The following CSMD2 variants were observed in gnomAD, a reference collection of about 807,000 sequenced individuals.
CSMD2 encodes the protein CUB and sushi domain-containing protein 2.
A neutral mutation model predicts 398.5 loss-of-function variants in CSMD2; 130 were observed. The ratio of observed to expected loss-of-function variants is 0.33; its 90% CI spans 0.28 to 0.38. CSMD2 has a LOEUF of 0.38. CSMD2 is among the 10% of genes least tolerant of loss of function. The probability of loss-of-function intolerance (pLI) is 1.00; values close to 1 mark genes in which losing one functional copy is unlikely to be tolerated. For synonymous variants in CSMD2, 1,828 were observed against 1,908.5 expected (o/e 0.96, Z 1.10); for missense variants, 3,829 against 4,764.9 (o/e 0.80, Z 5.78).
At chr1:33,629,931 T>C (rs1180911072) in intron 32 of CSMD2, among the ~76,000 whole-genome samples, 1 of 151,918 alleles carries the variant, frequency 6.6e-6, no homozygotes, top group East Asian at 1.9e-4. Flanking sequence ...TTAGTAGAGA[T>C]GGGGTTTCAC....
chr1:33,723,515 T>G (rs1437374716), intron 19 of CSMD2, among the ~76,000 whole-genome samples: 1 of 152,132 alleles, frequency 6.6e-6, no homozygotes, highest in Admixed American at 6.5e-5. Flanking sequence ...GAGAAAAGAG[T>G]ATTAATATAT....
At chr1:33,840,261 A>G (rs567395850) in intron 6 of CSMD2, 1 of 152,304 alleles carries the variant, frequency 6.6e-6, no homozygotes, top group South Asian at 2.1e-4. Context: ...CACTCTAGCC[A>G]TTGGTTATTG....
In CSMD2 at chr1:33,519,712, AAGAGCGACAC is replaced by A; in HGVS notation, c.10737-45_10737-36del. 1 of 1,613,790 alleles carries A rather than the reference AAGAGCGACAC, an allele frequency of 6.2e-7. No homozygotes were observed. The highest frequency in any genetic ancestry group is 8.5e-7 in the Non-Finnish European group (1 of 1,179,866). On this transcript the variant is annotated intron_variant, in intron 69 of 70. Transcript: ENST00000373381. The surrounding 1 kb of genome is among the most constrained non-coding windows in gnomAD (Gnocchi z 5.6). Reference sequence around the variant, plus strand: ...AAAGAGGAAGTGCCCACGGCATGAAAAGAGCGACACAGAGAGGCTTAGGGGTCTGGTGCGG... The same window carrying A: ...AAAGAGGAAGTGCCCACGGCATGAAAAGAGAGGCTTAGGGGTCTGGTGCGG...
chr1:33,791,066 G>A, intron 11 of CSMD2, among the ~76,000 whole-genome samples: 1 of 133,386 alleles, frequency 7.5e-6, no homozygotes, highest in African/African-American at 2.6e-5. Flanking sequence ...TAGGTGTAGG[G>A]AAGTTGTGAA....
intron 2 of CSMD2, among the ~76,000 whole-genome samples, chr1:34,046,121 T>C (rs1652492325): frequency 6.6e-6 from 1 of 152,206 alleles, no homozygotes; most frequent in South Asian, 2.1e-4. Context: ...TTAGATGACA[T>C]CATATCTTTG....
intron 1 of CSMD2, among the ~76,000 whole-genome samples, chr1:34,118,489 TGGAAAACCC>T (rs1190463031): frequency 1.3e-5 from 2 of 152,200 alleles, no homozygotes; most frequent in East Asian, 1.9e-4. Context: ...ATCTTGTATG[TGGAAAACCC>T]TAAGGATTCC....
intron 6 of CSMD2, among the ~76,000 whole-genome samples, chr1:33,840,491 T>C (rs1222215502): frequency 6.6e-6 from 1 of 152,232 alleles, no homozygotes; most frequent in Admixed American, 6.5e-5. Context: ...TGCAAAATCA[T>C]GTCCTGTTCT....
In CSMD2 at chr1:33,533,795, C is replaced by A; in HGVS notation, c.9991+1G>T. The stretch of plus-strand genomic sequence containing the variant: ...GGGATGTGGGTGAAGTCTGCACTCA[C>A]GGACACAGTCAGGTGGGGTTCCACT... On this transcript the variant is annotated splice_donor_variant, in intron 63 of 70. Transcript: ENST00000373381. LOFTEE classifies it high-confidence loss of function. The surrounding 1 kb of genome is among the most constrained non-coding windows in gnomAD (Gnocchi z 4.2). 6.2e-7 allele frequency: 1 copy of A among 1,604,836 alleles called. No individual in the cohort carries two copies. The highest frequency in any genetic ancestry group is 8.5e-7 in the Non-Finnish European group (1 of 1,171,692).
chr1:33,886,361 G>A (rs534489688), intron 5 of CSMD2, among the ~76,000 whole-genome samples: 6 of 152,290 alleles, frequency 3.9e-5, no homozygotes, highest in Admixed American at 6.5e-5. Flanking sequence ...AAACAAAGTC[G>A]GGCGTACTGG....
chr1:34,059,723 T>TGAATGAAC (rs1654252811), intron 2 of CSMD2, among the ~76,000 whole-genome samples: 1 of 151,948 alleles, frequency 6.6e-6, no homozygotes, highest in African/African-American at 2.4e-5. Flanking sequence ...AATACGTGAA[T>TGAATGAAC]GAATGAATGA....
At position 33,621,542 on chromosome 1, in the gene CSMD2, G is replaced by A. The variant is rs183387111; in HGVS notation, c.5827+625C>T. Among the ~76,000 whole-genome samples, 432 of 152,298 alleles carry A rather than the reference G, an allele frequency of 2.8e-3. 2 individuals are homozygous for A. The highest frequency in any genetic ancestry group is 9.6e-3 in the African/African-American group (401 of 41,558). On this transcript the variant is annotated intron_variant, in intron 37 of 70. Coordinates refer to ENST00000373381, the MANE Select transcript of CSMD2 (RefSeq NM_001281956.2). ...CTCAATAAATATTTGCCGAATAAAA[G>A]TGTAAAAAATGCTGCTGCCTACCTA...
At chr1:34,005,665 T>A (rs1013298517) in intron 3 of CSMD2, among the ~76,000 whole-genome samples, 1 of 152,184 alleles carries the variant, frequency 6.6e-6, no homozygotes, top group African/African-American at 2.4e-5. Flanking sequence ...CTGCCTCAGT[T>A]TCCTTGACTC....
chr1:33,908,960 A>C (rs1288781193), intron 5 of CSMD2, among the ~76,000 whole-genome samples: 2 of 152,156 alleles, frequency 1.3e-5, no homozygotes, highest in African/African-American at 2.4e-5. Flanking sequence ...ACTTAGTGTG[A>C]CTTAAAGAGT....
chr1:33,924,772 T>C (rs1358790780), intron 4 of CSMD2, among the ~76,000 whole-genome samples: 1 of 152,230 alleles, frequency 6.6e-6, no homozygotes, highest in Admixed American at 6.5e-5. Flanking sequence ...GATTTTGACT[T>C]GCACCTCCCT....
chr1:33,631,786 T>C (rs1642482733), intron 32 of CSMD2, among the ~76,000 whole-genome samples: 1 of 152,144 alleles, frequency 6.6e-6, no homozygotes, highest in African/African-American at 2.4e-5. Flanking sequence ...CGTGTAAGTT[T>C]TATTAAATCC....
intron 10 of CSMD2, among the ~76,000 whole-genome samples, chr1:33,806,541 T>G (rs1656249320): frequency 6.6e-6 from 1 of 152,200 alleles, no homozygotes; most frequent in African/African-American, 2.4e-5. Flanking sequence ...GGAAACATGG[T>G]TCTGAGTGCA....
chr1:33,529,907 G>A (rs997875150), intron 64 of CSMD2, among the ~76,000 whole-genome samples: 15 of 152,120 alleles, frequency 9.9e-5, no homozygotes, highest in Non-Finnish European at 2.1e-4. Flanking sequence ...TTTAGATAGA[G>A]AAAGAACACT....
At chr1:33,528,837 G>A (rs1655006200) in intron 64 of CSMD2, among the ~76,000 whole-genome samples, 2 of 152,092 alleles carry the variant, frequency 1.3e-5, no homozygotes, top group Non-Finnish European at 2.9e-5. Context: ...AGAAATGCAA[G>A]ACTTGTACAC....
chr1:33,598,922 C>T (rs767083615), intron 44 of CSMD2: 1 of 152,352 alleles, frequency 6.6e-6, no homozygotes, highest in South Asian at 2.1e-4. Flanking sequence ...CCGCCCACCT[C>T]GGCCTCTGTG....
Sources: allele counts gnomAD v4.1 joint callset (sites outside exome capture counted in the v4.1 genomes callset), GRCh38; gene constraint gnomAD v4.1.1; non-coding constraint Gnocchi (gnomAD v3.1); transcripts MANE v1.5; gene names NCBI Gene and HGNC (gene_info 2026-07-23, HGNC 2026-07-21).